DALRD3: variants seen among roughly 807,000 people sequenced by gnomAD.
The protein encoded by DALRD3 is DALR anticodon-binding domain-containing protein 3.
A neutral mutation model predicts 56.7 loss-of-function variants in DALRD3; 47 were observed. That is an observed-to-expected ratio of 0.83 (90% confidence interval 0.66 to 1.06). DALRD3 has a LOEUF of 1.06. DALRD3 is among the 50% of genes least tolerant of loss of function. The probability of loss-of-function intolerance (pLI) is 0.00; values close to 1 mark genes in which losing one functional copy is unlikely to be tolerated. For synonymous variants in DALRD3, 347 were observed against 308.5 expected (o/e 1.12, Z -1.31); for missense variants, 787 against 724.0 (o/e 1.09, Z -1.00).
chr3:49,016,960 G>A, intron 5 of DALRD3, 113 bp from the exon 6 acceptor site: 2 of 1,270,820 alleles, frequency 1.6e-6, no homozygotes, highest in East Asian at 2.4e-5. Flanking sequence ...AATTGGAACT[G>A]CCAGGTTGAG....
Position 49,018,334 on chromosome 3 carries a change from C to A in DALRD3, c.166-16G>T. The A allele has an allele frequency of 6.7e-7, 1 of 1,489,712 alleles. No individual in the cohort carries two copies. The highest frequency in any genetic ancestry group is 1.3e-5 in the South Asian group (1 of 75,004). 92.3% of individuals were successfully genotyped at this position (1,489,712 alleles called of 1,614,324 possible). On this transcript the variant is annotated splice_polypyrimidine_tract_variant and intron_variant, in intron 1 of 11. Transcript: ENST00000341949. ...GCTCCGGAACCTGCGGGAGAACGGG[C>A]GTGTAAAAGAGCCACGGCACGGGGC... is the stretch of plus-strand genomic sequence containing the variant.
In DALRD3 at chr3:49,016,209, G is replaced by A. The variant is rs1200266235; in HGVS notation, c.1278C>T (p.Tyr426=). 6.2e-7 allele frequency: 1 copy of A among 1,614,166 alleles called. No individual in the cohort carries two copies. The highest frequency in any genetic ancestry group is 1.1e-5 in the South Asian group (1 of 91,088). The change falls in exon 9 of 12, where the codon TAC becomes TAT. Residue 426 remains tyrosine, a synonymous_variant. Transcript: ENST00000341949. ...SYKCSMEQGL[Y]PTFPPVSSLD... ...GACTGCTCACAGGAGGAAAAGTGGG[G>A]TACAGACCTTGTTCCATACTACACT... is the stretch of plus-strand genomic sequence containing the variant.
At chr3:49,016,130 T>C in intron 9 of DALRD3, 28 bp downstream of exon 9, 1 of 1,611,556 alleles carries the variant, frequency 6.2e-7, no homozygotes, top group Non-Finnish European at 8.5e-7. Context: ...CAGGCCTCCT[T>C]GTGCCAGCTA....
chr3:49,018,580 TA>T, upstream of DALRD3: 1 of 1,537,796 alleles, frequency 6.5e-7, no homozygotes, highest in Non-Finnish European at 8.7e-7. Context: ...CCGGAAGGAG[TA>T]AGCGGAACCG....
chr3:49,016,977 C>T (rs1423858222), intron 5 of DALRD3, 130 bp from the exon 6 acceptor site: 16 of 1,110,234 alleles, frequency 1.4e-5, no homozygotes, highest in African/African-American at 3.1e-5. Flanking sequence ...TGAGTGCCTC[C>T]GTCTACCCAG....
In DALRD3 at chr3:49,017,484, C is replaced by T; in HGVS notation, c.748G>A (p.Glu250Lys). 6.2e-7 allele frequency: 1 copy of T among 1,614,134 alleles called. No homozygotes were observed. Among genetic ancestry groups the T allele is most frequent in the Admixed American group, 1.7e-5 (1 of 60,030 alleles). The change falls in exon 4 of 12, where the codon GAG becomes AAG. Residue 250 changes from glutamate (E) to lysine (K), a missense_variant. Transcript: ENST00000341949. The stretch of plus-strand genomic sequence containing the variant: ...CAATGCCATAGAGCCTCTTGCAGCT[C>T]AGCCAGCACAGAGAGGAGATCCTCA... Reference protein sequence around the residue: ...VTEDLLSVLAELQEALWHWPE... With the variant: ...VTEDLLSVLAKLQEALWHWPE...
chr3:49,018,115 TG>T lies in DALRD3; in HGVS notation c.368del (p.Pro123GlnfsTer12). The T allele has an allele frequency of 6.7e-7, 1 of 1,482,198 alleles. No homozygotes were observed. 91.8% of individuals were successfully genotyped at this position (1,482,198 alleles called of 1,614,324 possible). A position where few individuals can be genotyped will look rare whatever the true frequency, so the allele number is the denominator to read the frequency against. On this transcript the variant is annotated frameshift_variant, in exon 2 of 12. Transcript: ENST00000341949. LOFTEE classifies it high-confidence loss of function. Reference sequence around the variant, plus strand: ...GTGCGCAGGGGGAGCTGCGCAGTGCTGGGCAGTGTAGTAAGACGCGCTGGCC... The same window carrying T: ...GTGCGCAGGGGGAGCTGCGCAGTGCTGGCAGTGTAGTAAGACGCGCTGGCC... The part of the protein sequence containing the change: ...SLGQRVLLHC[P>X]ALRSSPCALR...
chr3:49,015,613 C>A lies in DALRD3; in HGVS notation c.1607G>T (p.Gly536Val), dbSNP rs1378647093. Residue 536 changes from glycine to valine, a missense_variant, in exon 12 of 12, where the codon GGT becomes GTT. Physicochemically the swap from Gly to Val is moderately radical, Grantham distance 109. Coordinates refer to ENST00000341949, the MANE Select transcript of DALRD3 (RefSeq NM_001009996.3). ...EVLHTGLAML[G>V]LPPLSHI ...TTAAATGTGGCTCAGTGGAGGGAGA[C>A]CCAGCATAGCCAGGCCAGTATGGAG... 2 of 1,614,110 alleles carry A rather than the reference C, an allele frequency of 1.2e-6. No homozygotes were observed. Among genetic ancestry groups the A allele is most frequent in the South Asian group, 2.2e-5 (2 of 91,082 alleles).
rs781052741 is a variant in DALRD3 at position 49,016,015 on chromosome 3, G to T, written c.1401C>A (p.Asp467Glu). ...CAATGTGGAGCCCCGGGGCTGTGCA[G>T]TCCAGCACTGCTGTCCGGCTCAGCA... ...PDLLSRTAVL[D>E]CTAPGLHIAV... The change falls in exon 10 of 12, where the codon GAC becomes GAA. Residue 467 changes from aspartate to glutamate, a missense_variant. By Grantham distance (45) the Asp-to-Glu change is conservative. Coordinates refer to ENST00000341949, the MANE Select transcript of DALRD3 (RefSeq NM_001009996.3). 2.5e-6 allele frequency: 4 copies of T among 1,606,928 alleles called. No individual in the cohort carries two copies. Among genetic ancestry groups the T allele is most frequent in the Non-Finnish European group, 3.4e-6 (4 of 1,175,082 alleles).
rs778294199 is a variant in DALRD3 at position 49,018,422 on chromosome 3, T to C, written c.143A>G (p.Gln48Arg). The C allele has an allele frequency of 2.0e-5, 32 of 1,579,264 alleles. No homozygotes were observed. The highest frequency in any genetic ancestry group is 2.7e-5 in the Non-Finnish European group (32 of 1,164,132). ...RDFLAPHRAL[Q>R]ARFDDGQVPE... ...CACCTGGCCGTCATCGAAGCGCGCCTGCAGCGCGCGGTGCGGTGCCAGAAA... is the reference window on the plus strand; with the variant it reads ...CACCTGGCCGTCATCGAAGCGCGCCCGCAGCGCGCGGTGCGGTGCCAGAAA... Residue 48 changes from glutamine to arginine, a missense_variant, in exon 1 of 12, where the codon CAG (glutamine) becomes CGG (arginine). By Grantham distance (43) the Gln-to-Arg change is conservative. Transcript: ENST00000341949.
At chr3:49,016,973 C>T (rs1049697582) in intron 5 of DALRD3, 126 bp from the exon 6 acceptor site, 7 of 1,114,620 alleles carry the variant, frequency 6.3e-6, no homozygotes, top group Admixed American at 2.0e-5. Flanking sequence ...AGGTTGAGTG[C>T]CTCCGTCTAC....
chr3:49,017,529 A>C lies in DALRD3; in HGVS notation c.719-16T>G. On this transcript the variant is annotated splice_polypyrimidine_tract_variant and intron_variant, in intron 3 of 11. Coordinates refer to ENST00000341949, the MANE Select transcript of DALRD3 (RefSeq NM_001009996.3). ...TCCTCAGTCACTGAAAAGAGAACAG[A>C]CAGGTGCTGAGACTGACAAGAAGCA... 1 of 1,614,148 alleles carries C rather than the reference A, an allele frequency of 6.2e-7. No individual in the cohort carries two copies. The highest frequency in any genetic ancestry group is 1.6e-4 in the Middle Eastern group (1 of 6,062).
rs759498338 is a variant in DALRD3, at chr3:49,018,341, A to G, written c.166-23T>C. 3 of 1,495,748 alleles carry G rather than the reference A, an allele frequency of 2.0e-6. No homozygotes were observed. In the South Asian group the frequency reaches 3.9e-5, roughly 20 times the overall value. The allele number at this position is 1,495,748 out of a possible 1,614,324, so 92.7% of individuals were successfully genotyped here. ...AACCTGCGGGAGAACGGGCGTGTAAAAGAGCCACGGCACGGGGCCCATCTC... is the reference window on the plus strand; with the variant it reads ...AACCTGCGGGAGAACGGGCGTGTAAGAGAGCCACGGCACGGGGCCCATCTC... On this transcript the variant is annotated intron_variant, in intron 1 of 11. Coordinates refer to ENST00000341949, the MANE Select transcript of DALRD3 (RefSeq NM_001009996.3).
In DALRD3 at chr3:49,017,613, CCAGA is replaced by C; in HGVS notation, c.714_717del (p.Cys238TrpfsTer2). Reference sequence around the variant, plus strand: ...GGCCCTGCTAGGCTTCAGGTCCTACCCAGACAGTTGTCCAGGTTGGGGTCATAGC... The same window carrying C: ...GGCCCTGCTAGGCTTCAGGTCCTACCCAGTTGTCCAGGTTGGGGTCATAGC... On this transcript the variant is annotated frameshift_variant and splice_region_variant, in exon 3 of 12. Transcript: ENST00000341949. LOFTEE classifies it high-confidence loss of function. 6.2e-7 allele frequency: 1 copy of C among 1,614,186 alleles called. No individual in the cohort carries two copies. Among genetic ancestry groups the C allele is most frequent in the Middle Eastern group, 1.6e-4 (1 of 6,062 alleles).
intron 11 of DALRD3, 46 bp from the exon 12 acceptor site, chr3:49,015,753 C>T: frequency 1.2e-6 from 2 of 1,614,122 alleles, no homozygotes; most frequent in Non-Finnish European, 1.7e-6. Flanking sequence ...CTTCCTTTGC[C>T]TTTACCCTAT....
At chr3:49,018,656 T>C (rs1575296307), upstream of DALRD3, 3 of 1,442,472 alleles carry the variant, frequency 2.1e-6, no homozygotes, top group African/African-American at 1.5e-5. Context: ...GATGCGGCGG[T>C]GGTCCCCGTA....
chr3:49,020,295 A>T, upstream of DALRD3: 1 of 510,828 alleles, frequency 2.0e-6, no homozygotes, highest in Admixed American at 2.1e-5. Flanking sequence ...CCTCAGTCAA[A>T]CTGAGGACTT....
At chr3:49,018,585 G>A, upstream of DALRD3, 1 of 1,530,144 alleles carries the variant, frequency 6.5e-7, no homozygotes, top group Non-Finnish European at 8.8e-7. Flanking sequence ...AGGAGTAAGC[G>A]GAACCGGAAA....
rs746463962 is a variant in DALRD3 at position 49,015,809 on chromosome 3, G to A, written c.1507C>T (p.Leu503=). The change falls in exon 11 of 12, where the codon CTG becomes TTG. Residue 503 remains leucine (L), a synonymous_variant. Coordinates refer to ENST00000341949, the MANE Select transcript of DALRD3 (RefSeq NM_001009996.3). ...CCATTTTGCTGTGTGCTCACCCCCA[G>A]GATGTGTACCCGGTTGTAGTAGGAG... ...FSSYYNRVHI[L]GEPRPHLFGQ... 3.7e-6 allele frequency: 6 copies of A among 1,614,052 alleles called. No homozygotes were observed. Among genetic ancestry groups the A allele is most frequent in the African/African-American group, 1.3e-5 (1 of 74,900 alleles).
Sources: gnomAD v4.1 joint callset for allele counts on GRCh38, gnomAD v4.1.1 for gene constraint, MANE v1.5 for transcripts, NCBI Gene and HGNC (gene_info 2026-07-23, HGNC 2026-07-21) for gene names.